Variants in SPTLC3 observed in about 807,000 individuals in gnomAD.
SPTLC3 encodes the protein serine palmitoyltransferase long chain base subunit 3, also known as serine palmitoyltransferase 3.
A neutral mutation model predicts 59.3 loss-of-function variants in SPTLC3; 36 were observed. The observed-to-expected ratio is 0.61, with a 90% CI of 0.47 to 0.80. The LOEUF is 0.80. SPTLC3 is among the 30% of genes least tolerant of loss of function. The pLI is 0.00. For synonymous variants in SPTLC3, 257 were observed against 240.8 expected (o/e 1.07, Z -0.62); for missense variants, 625 against 685.1 (o/e 0.91, Z 0.98).
chr20:13,112,108 A>G (rs1257647230), intron 7 of SPTLC3, among the ~76,000 whole-genome samples: 1 of 152,234 alleles, frequency 6.6e-6, no homozygotes, highest in Admixed American at 6.5e-5. Context: ...TGGCTTACAC[A>G]GCAATGATTT....
At chr20:13,142,160 A>G (rs2038399090) in intron 9 of SPTLC3, among the ~76,000 whole-genome samples, 1 of 152,188 alleles carries the variant, frequency 6.6e-6, no homozygotes, top group Non-Finnish European at 1.5e-5. Flanking sequence ...AGTTGATTTG[A>G]GTCTTTAAAA....
chr20:13,097,492 AAAT>A (rs1600275582), intron 6 of SPTLC3, among the ~76,000 whole-genome samples: 1 of 152,114 alleles, frequency 6.6e-6, no homozygotes, highest in Non-Finnish European at 1.5e-5. Flanking sequence ...GATGAAAAAA[AAAT>A]AATAATTCTG....
At chr20:13,078,421 C>G (rs942066900) in intron 4 of SPTLC3, among the ~76,000 whole-genome samples, 2 of 151,410 alleles carry the variant, frequency 1.3e-5, no homozygotes, top group Non-Finnish European at 2.9e-5. Flanking sequence ...TTATCCATTT[C>G]TCTAAAATTT....
Position 13,153,035 on chromosome 20 carries a change from C to G in SPTLC3, c.1280-968C>G, listed in dbSNP as rs965194146. Among the ~76,000 whole-genome samples, 3 of 152,186 alleles carry G rather than the reference C, an allele frequency of 2.0e-5. No homozygotes were observed. In the South Asian group the frequency reaches 6.2e-4, roughly 31 times the overall value. On this transcript the variant is annotated intron_variant, in intron 9 of 11. Transcript: ENST00000399002. ...GGTCTGCTAAAGACAACCAATAAGA[C>G]GAAAGACTGTAGTGGCACATTCCTG...
intron 2 of SPTLC3, among the ~76,000 whole-genome samples, chr20:13,066,990 A>G (rs927305205): frequency 1.1e-5 from 1 of 91,566 alleles, no homozygotes; most frequent in African/African-American, 4.1e-5. Flanking sequence ...TGAACTGTTT[A>G]TCCTTTAAAT....
Position 13,136,304 on chromosome 20 carries a change from T to G in SPTLC3, c.1279+9587T>G, listed in dbSNP as rs1395770560. ...AATAGCTATTTAAGATCCTCAGAAA[T>G]AGAGGAATTTGGCCAGGTGTGGTGG... On this transcript the variant is annotated intron_variant, in intron 9 of 11. Transcript: ENST00000399002. 3.9e-5 allele frequency among the ~76,000 whole-genome samples: 6 copies of G among 152,134 alleles called. No homozygotes were observed. The South Asian group carries it at 1.0e-3, about 26-fold the overall frequency.
chr20:13,051,498 C>T (rs1186217119), intron 2 of SPTLC3, among the ~76,000 whole-genome samples: 3 of 152,172 alleles, frequency 2.0e-5, no homozygotes, highest in African/African-American at 7.2e-5. Flanking sequence ...TGAGGGACTT[C>T]AGTACTCCAC....
intron 9 of SPTLC3, among the ~76,000 whole-genome samples, chr20:13,153,454 CA>C (rs1332523211): frequency 6.6e-6 from 1 of 152,080 alleles, no homozygotes; most frequent in African/African-American, 2.4e-5. Context: ...CCAAATGCCT[CA>C]AAAAACAGCC....
intron 4 of SPTLC3, among the ~76,000 whole-genome samples, chr20:13,084,196 C>T (rs1988934012): frequency 6.6e-6 from 1 of 152,164 alleles, no homozygotes; most frequent in African/African-American, 2.4e-5. Flanking sequence ...ATGAACCTCT[C>T]TACGAACAAA....
chr20:13,154,036 C>G lies in SPTLC3; in HGVS notation c.1313C>G (p.Thr438Arg). 1 of 1,614,114 alleles carries G rather than the reference C, an allele frequency of 6.2e-7. No individual in the cohort carries two copies. The highest frequency in any genetic ancestry group is 8.5e-7 in the Non-Finnish European group (1 of 1,179,990). Residue 438 changes from threonine (T) to arginine (R), a missense_variant, in exon 10 of 12, where the codon ACA (threonine) becomes AGA (arginine). By Grantham distance (71) the Thr-to-Arg change is moderately conservative. Transcript: ENST00000399002. Reference protein sequence around the residue: ...LQRVQQLAKNTRYFRQRLQEM... With the variant: ...LQRVQQLAKNRRYFRQRLQEM... ...AGAGTACAGCAACTTGCGAAAAACA[C>G]AAGATACTTCAGACAAAGACTGCAG...
chr20:13,131,065 G>A (rs888682998), intron 9 of SPTLC3, among the ~76,000 whole-genome samples: 6 of 152,112 alleles, frequency 3.9e-5, no homozygotes, highest in South Asian at 2.1e-4. Context: ...CAGCTCAGTC[G>A]TTTTCTTATC....
chr20:13,157,703 G>C (rs1271072948), intron 10 of SPTLC3, among the ~76,000 whole-genome samples: 3 of 152,144 alleles, frequency 2.0e-5, no homozygotes, highest in African/African-American at 7.2e-5. Context: ...AAACAGAACA[G>C]GTTAGTTACA....
chr20:13,133,358 C>T lies in SPTLC3; in HGVS notation c.1279+6641C>T, dbSNP rs573138562. ...AGGGACCAGCCTTTGAGAATCACTG[C>T]TGCATAATGACCCTGTAGTCACTCT... is the stretch of plus-strand genomic sequence containing the variant. On this transcript the variant is annotated intron_variant, in intron 9 of 11. Coordinates refer to ENST00000399002, the MANE Select transcript of SPTLC3 (RefSeq NM_018327.4). Among the ~76,000 whole-genome samples the T allele has an allele frequency of 1.2e-4, 18 of 151,934 alleles. No homozygotes were observed. The South Asian group carries it at 3.5e-3, about 30-fold the overall frequency.
intron 2 of SPTLC3, among the ~76,000 whole-genome samples, chr20:13,053,167 GC>G (rs1167428053): frequency 6.6e-6 from 1 of 152,138 alleles, no homozygotes; most frequent in African/African-American, 2.4e-5. Context: ...CTGGTGGGTG[GC>G]CCTCTGGGAT....
intron 1 of SPTLC3, among the ~76,000 whole-genome samples, chr20:13,048,607 T>A (rs1987332946): frequency 6.6e-6 from 1 of 152,182 alleles, no homozygotes; most frequent in Non-Finnish European, 1.5e-5. Flanking sequence ...TGTGATATAA[T>A]TTGATCACCT....
At chr20:13,038,328 G>T (rs1221370141) in intron 1 of SPTLC3, among the ~76,000 whole-genome samples, 1 of 152,078 alleles carries the variant, frequency 6.6e-6, no homozygotes, top group Non-Finnish European at 1.5e-5. Context: ...GGCTTTTTCT[G>T]TGGGAAGTTT....
At chr20:13,031,001 T>C (rs1426073121) in intron 1 of SPTLC3, among the ~76,000 whole-genome samples, 1 of 152,150 alleles carries the variant, frequency 6.6e-6, no homozygotes, top group African/African-American at 2.4e-5. Flanking sequence ...CAGCCTTTGA[T>C]AGATAGTAAA....
intron 1 of SPTLC3, among the ~76,000 whole-genome samples, chr20:13,025,220 A>G (rs1986084722): frequency 6.6e-6 from 1 of 152,180 alleles, no homozygotes; most frequent in Admixed American, 6.5e-5. Flanking sequence ...CAATCCTTAC[A>G]ATAGACTTTC....
intron 2 of SPTLC3, among the ~76,000 whole-genome samples, chr20:13,067,423 C>T (rs1988264675): frequency 6.6e-6 from 1 of 152,118 alleles, no homozygotes; most frequent in South Asian, 2.1e-4. Flanking sequence ...TATTTGGACC[C>T]ATGGTTTCCT....
Sources: allele counts gnomAD v4.1 joint callset (sites outside exome capture counted in the v4.1 genomes callset), GRCh38; gene constraint gnomAD v4.1.1; transcripts MANE v1.5; gene names NCBI Gene and HGNC (gene_info 2026-07-23, HGNC 2026-07-21).